Variants in PAAF1 observed in about 807,000 individuals in gnomAD.
PAAF1 encodes proteasomal ATPase-associated factor 1.
Under a neutral mutation model 52.8 loss-of-function variants are expected in PAAF1, and 46 were observed. The observed-to-expected ratio is 0.87, with a 90% CI of 0.69 to 1.11. PAAF1 has a LOEUF of 1.11. Ranked by LOEUF, PAAF1 falls within the 50% of genes most tolerant of loss-of-function variation. The probability of loss-of-function intolerance (pLI) is 0.00; values close to 1 mark genes in which losing one functional copy is unlikely to be tolerated. For missense variants in PAAF1, 424 were observed against 477.4 expected (o/e 0.89, Z 1.04); for synonymous variants, 178 against 172.8 (o/e 1.03, Z -0.24).
chr11:73,922,523 GA>G (rs1950248147), intron 10 of PAAF1, among the ~76,000 whole-genome samples: 1 of 152,126 alleles, frequency 6.6e-6, no homozygotes, highest in African/African-American at 2.4e-5. Flanking sequence ...TACTGGTTTA[GA>G]AGTTGGATAT....
chr11:73,880,006 A>G lies in PAAF1; in HGVS notation c.88+1187A>G, dbSNP rs1385169182. ...TGTCATCCACCATTCTGGGAGGCCA[A>G]GGCGGAGGATTGCTTGAGACCAGCC... On this transcript the variant is annotated intron_variant, in intron 2 of 11. Coordinates refer to ENST00000310571, the MANE Select transcript of PAAF1 (RefSeq NM_025155.3). 5.9e-5 allele frequency: 9 copies of G among 152,094 alleles called. No individual in the cohort carries two copies. The East Asian group carries it at 1.7e-3, about 30-fold the overall frequency. 9.4% of individuals were successfully genotyped at this position (152,094 alleles called of 1,614,324 possible).
chr11:73,878,706 T>C, intron 1 of PAAF1, 73 bp from the exon 2 acceptor site: 1 of 1,417,604 alleles, frequency 7.1e-7, no homozygotes, highest in Non-Finnish European at 9.9e-7. Context: ...CATGACCTTC[T>C]TTCTTCCCTT....
chr11:73,926,473 C>A (rs184345047), intron 11 of PAAF1, among the ~76,000 whole-genome samples: 22 of 151,866 alleles, frequency 1.4e-4, no homozygotes, highest in African/African-American at 5.3e-4. Context: ...CTTTGGGAGG[C>A]GGAGGGGGTG....
intron 3 of PAAF1, chr11:73,889,186 T>C: frequency 6.6e-7 from 1 of 1,523,072 alleles, no homozygotes; most frequent in South Asian, 1.2e-5. Flanking sequence ...GGATACAGTC[T>C]TTATCACTTC....
chr11:73,879,173 C>T (rs896810658), intron 2 of PAAF1: 29 of 159,762 alleles, frequency 1.8e-4, no homozygotes, highest in Non-Finnish European at 8.2e-5. Context: ...CATGTTCAAG[C>T]AGAGATTGAT....
chr11:73,924,794 GATA>G, intron 11 of PAAF1, 97 bp downstream of exon 11: 1 of 936,490 alleles, frequency 1.1e-6, no homozygotes, highest in African/African-American at 1.6e-5. Flanking sequence ...CATTAGGGAT[GATA>G]AAATAGTGCT....
intron 10 of PAAF1, 29 bp from the exon 11 acceptor site, chr11:73,924,586 G>C: frequency 6.3e-7 from 1 of 1,576,146 alleles, no homozygotes. Context: ...TTTTCTCTTA[G>C]TTATATGAAT....
At chr11:73,908,389 A>ATATATATATATG (rs1554982121) in intron 6 of PAAF1, among the ~76,000 whole-genome samples, 1,667 of 96,576 alleles carry the variant, frequency 0.017, 23 homozygotes, top group Middle Eastern at 0.046. Flanking sequence ...ATATGTGTGT[A>ATATATATATATG]TATATATATG....
intron 2 of PAAF1, among the ~76,000 whole-genome samples, chr11:73,882,725 C>G (rs1004793362): frequency 6.6e-6 from 1 of 152,092 alleles, no homozygotes; most frequent in Non-Finnish European, 1.5e-5. Context: ...GCCTCAGCCT[C>G]CGAAGTAGCT....
At chr11:73,919,504 A>C (rs531987970) in intron 10 of PAAF1, among the ~76,000 whole-genome samples, 1 of 152,238 alleles carries the variant, frequency 6.6e-6, no homozygotes, top group Non-Finnish European at 1.5e-5. Flanking sequence ...TGAAAGCTGA[A>C]GCTATTGTAT....
chr11:73,881,381 G>A (rs1403794912), intron 2 of PAAF1, among the ~76,000 whole-genome samples: 4 of 152,176 alleles, frequency 2.6e-5, no homozygotes, highest in Non-Finnish European at 5.9e-5. Flanking sequence ...CCAGTCCTAG[G>A]TTCAAGGGAT....
chr11:73,916,761 C>A, intron 9 of PAAF1, 101 bp downstream of exon 9: 1 of 687,728 alleles, frequency 1.5e-6, no homozygotes, highest in Non-Finnish European at 2.3e-6. Context: ...ACTATTGAAT[C>A]AAGGGTATAT....
At position 73,909,381 on chromosome 11, in the gene PAAF1, G is replaced by A; in HGVS notation, c.533-18G>A. On this transcript the variant is annotated intron_variant, in intron 6 of 11. Transcript: ENST00000310571. ...TTTACTCCATCCTCCATCTTAGGGA[G>A]TTTTTTTCTCTTGCTAGGTATCCTG... 1 of 1,612,710 alleles carries A rather than the reference G, an allele frequency of 6.2e-7. No individual in the cohort carries two copies. Among genetic ancestry groups the A allele is most frequent in the Non-Finnish European group, 8.5e-7 (1 of 1,179,256 alleles).
At chr11:73,924,563 ACT>A (rs1405526011) in intron 10 of PAAF1, 50 bp from the exon 11 acceptor site, 4 of 1,446,380 alleles carry the variant, frequency 2.8e-6, no homozygotes, top group Non-Finnish European at 3.9e-6. Flanking sequence ...GAGTTTTTAA[ACT>A]CTGGATGCAG....
At chr11:73,889,091 G>GC in intron 3 of PAAF1, 1 of 922,116 alleles carries the variant, frequency 1.1e-6, no homozygotes, top group Non-Finnish European at 1.7e-6. Flanking sequence ...TCCAAGTTTA[G>GC]CACTACCATG....
chr11:73,900,981 CAAAAAAAAAAAAAAAAAAA>C (rs5792636), intron 6 of PAAF1, among the ~76,000 whole-genome samples: 32 of 59,552 alleles, frequency 5.4e-4, no homozygotes, highest in African/African-American at 1.3e-3. Context: ...GACTCCGTCT[CAAAAAAAAAAAAAAAAAAA>C]AAAAAAAAAA....
At chr11:73,909,075 C>T (rs1446480621) in intron 6 of PAAF1, among the ~76,000 whole-genome samples, 2 of 152,174 alleles carry the variant, frequency 1.3e-5, no homozygotes, top group Non-Finnish European at 2.9e-5. Context: ...GTGTGAGCCA[C>T]CACGCCCGAC....
rs749183330 is a variant in PAAF1 at position 73,916,659 on chromosome 11, A to G, written c.934A>G (p.Arg312Gly). The G allele has an allele frequency of 1.9e-6, 3 of 1,608,648 alleles. No individual in the cohort carries two copies. The highest frequency in any genetic ancestry group is 4.5e-5 in the East Asian group (2 of 44,840). Reference protein sequence around the residue: ...NIYQLDVRSPRAPVQVIHRSG... With the variant: ...NIYQLDVRSPGAPVQVIHRSG... ...TTATCAGCTGGATGTGAGGAGTCCA[A>G]GGTGAGTCACCATTCATTTACATGA... Residue 312 changes from arginine to glycine, a missense_variant and splice_region_variant, in exon 9 of 12, where the codon AGG becomes GGG. Transcript: ENST00000310571.
chr11:73,896,671 A>G (rs551180276), intron 4 of PAAF1, among the ~76,000 whole-genome samples: 2 of 152,228 alleles, frequency 1.3e-5, no homozygotes, highest in Non-Finnish European at 2.9e-5. Flanking sequence ...AGTACGGAAC[A>G]AAATGAAAAG....
Sources: allele counts gnomAD v4.1 joint callset (sites outside exome capture counted in the v4.1 genomes callset), GRCh38; gene constraint gnomAD v4.1.1; transcripts MANE v1.5; gene names NCBI Gene and HGNC (gene_info 2026-07-23, HGNC 2026-07-21).